SCMH1: variants seen among roughly 807,000 people sequenced by gnomAD.
SCMH1 encodes polycomb protein SCMH1.
In SCMH1, 37 loss-of-function variants were observed where a neutral mutation model predicts 70.8. The ratio of observed to expected loss-of-function variants is 0.52; its 90% CI spans 0.40 to 0.69. The LOEUF (loss-of-function observed/expected upper bound fraction) is 0.69. SCMH1 is among the 30% of genes least tolerant of loss of function. SCMH1 has a pLI of 0.00. For synonymous variants in SCMH1, 292 were observed against 307.4 expected (o/e 0.95, Z 0.52); for missense variants, 607 against 827.3 (o/e 0.73, Z 3.27).
At chr1:41,182,626 G>A (rs967811330) in intron 2 of SCMH1, among the ~76,000 whole-genome samples, 1 of 152,080 alleles carries the variant, frequency 6.6e-6, no homozygotes. Flanking sequence ...TGGGAGGATT[G>A]CTTGAGCCCA....
chr1:41,069,309 G>A (rs1252376774), intron 10 of SCMH1, among the ~76,000 whole-genome samples: 1 of 152,096 alleles, frequency 6.6e-6, no homozygotes, highest in East Asian at 1.9e-4. Flanking sequence ...CTTCTAGAGT[G>A]GGTAGTCATT....
chr1:41,053,831 GTTTTT>G (rs1242821497), intron 10 of SCMH1, among the ~76,000 whole-genome samples: 3 of 148,350 alleles, frequency 2.0e-5, no homozygotes. Flanking sequence ...AAGCCTAAAG[GTTTTT>G]TTTTTGTTTT....
chr1:41,230,223 G>C (rs1661043862), intron 1 of SCMH1, among the ~76,000 whole-genome samples: 1 of 152,148 alleles, frequency 6.6e-6, no homozygotes, highest in South Asian at 2.1e-4. Flanking sequence ...AGCCATATAG[G>C]GGGTTGATAT....
chr1:41,141,156 A>C (rs961822405), intron 6 of SCMH1, among the ~76,000 whole-genome samples: 25 of 152,238 alleles, frequency 1.6e-4, no homozygotes, highest in African/African-American at 5.5e-4. Flanking sequence ...CCATTAATTT[A>C]TGTAGACAGA....
intron 2 of SCMH1, among the ~76,000 whole-genome samples, chr1:41,164,908 T>C (rs933963140): frequency 6.6e-6 from 1 of 152,150 alleles, no homozygotes; most frequent in Non-Finnish European, 1.5e-5. Flanking sequence ...TTTAAAGTTC[T>C]CTCTTTAGCT....
At chr1:41,046,386 A>G in intron 12 of SCMH1, 21 bp downstream of exon 12, 3 of 1,610,680 alleles carry the variant, frequency 1.9e-6, no homozygotes, top group Non-Finnish European at 2.5e-6. Context: ...CTCTCAGCCC[A>G]GGCCCCATCC....
intron 1 of SCMH1, among the ~76,000 whole-genome samples, chr1:41,226,511 C>T (rs1415457344): frequency 6.6e-6 from 1 of 151,738 alleles, no homozygotes; most frequent in Non-Finnish European, 1.5e-5. Context: ...CAGAAAAAGG[C>T]GAAAGTAGTC....
intron 10 of SCMH1, among the ~76,000 whole-genome samples, chr1:41,050,854 A>T (rs1163277834): frequency 6.6e-6 from 1 of 152,146 alleles, no homozygotes; most frequent in Non-Finnish European, 1.5e-5. Flanking sequence ...GGTGAGTGTG[A>T]GGGGGATCTA....
At chr1:41,161,002 G>C in intron 3 of SCMH1, 104 bp from the exon 4 acceptor site, 2 of 1,165,280 alleles carry the variant, frequency 1.7e-6, no homozygotes, top group Non-Finnish European at 1.2e-6. Flanking sequence ...TATTTGTCTA[G>C]TTCAGTTATC....
At chr1:41,221,483 T>C (rs1183238347) in intron 1 of SCMH1, among the ~76,000 whole-genome samples, 1 of 148,112 alleles carries the variant, frequency 6.8e-6, no homozygotes, top group Non-Finnish European at 1.5e-5. Context: ...CAAGATACCA[T>C]TTCTACAAAA....
At chr1:41,192,098 C>A (rs1478227688) in intron 1 of SCMH1, among the ~76,000 whole-genome samples, 24 of 152,138 alleles carry the variant, frequency 1.6e-4, no homozygotes, top group Admixed American at 1.6e-3. Context: ...TACTGTATGA[C>A]TATATAACAT....
intron 13 of SCMH1, among the ~76,000 whole-genome samples, chr1:41,030,890 C>T (rs1644425923): frequency 6.6e-6 from 1 of 152,162 alleles, no homozygotes; most frequent in East Asian, 1.9e-4. Flanking sequence ...TCTTTCTCTC[C>T]AACCAGACTA....
chr1:41,154,803 A>G (rs960884181), intron 4 of SCMH1, among the ~76,000 whole-genome samples: 2 of 152,240 alleles, frequency 1.3e-5, no homozygotes, highest in Admixed American at 6.5e-5. Context: ...TTCCAACATT[A>G]TAATTCAAAA....
At chr1:41,027,208 T>C (rs953503819) in exon 15 of SCMH1, 2 of 152,222 alleles carry the variant, frequency 1.3e-5, no homozygotes, top group African/African-American at 2.4e-5. Context: ...CTGGTATCTA[T>C]ATTGGTTTTT....
intron 4 of SCMH1, among the ~76,000 whole-genome samples, chr1:41,153,685 G>A (rs1645267206): frequency 6.6e-6 from 1 of 152,196 alleles, no homozygotes; most frequent in African/African-American, 2.4e-5. Context: ...TGTGATGGCT[G>A]ACTGGCTTGA....
chr1:41,050,674 AGAG>A (rs1022159484), intron 10 of SCMH1, among the ~76,000 whole-genome samples: 1 of 152,198 alleles, frequency 6.6e-6, no homozygotes, highest in Admixed American at 6.5e-5. Context: ...AGATAATAAG[AGAG>A]GAGATGACAA....
intron 6 of SCMH1, among the ~76,000 whole-genome samples, chr1:41,134,344 A>C (rs146888035): frequency 0.14 from 21,134 of 152,220 alleles, 1,804 homozygotes; most frequent in Middle Eastern, 0.28. Flanking sequence ...ATGGGCAAAA[A>C]CTGGAAGCAT....
intron 8 of SCMH1, among the ~76,000 whole-genome samples, chr1:41,089,015 C>T (rs1221871454): frequency 6.6e-6 from 1 of 152,098 alleles, no homozygotes; most frequent in Non-Finnish European, 1.5e-5. Context: ...TGTTAAAATT[C>T]AGATTGCTGA....
intron 1 of SCMH1, among the ~76,000 whole-genome samples, chr1:41,241,678 GC>G (rs1663584978): frequency 6.6e-6 from 1 of 151,942 alleles, no homozygotes; most frequent in African/African-American, 2.4e-5. Flanking sequence ...GGCCCACCCG[GC>G]CCCGCCGGCC....
Sources: gnomAD v4.1 joint callset for allele counts (sites outside exome capture counted in the v4.1 genomes callset) on GRCh38, gnomAD v4.1.1 for gene constraint, MANE v1.5 for transcripts, NCBI Gene and HGNC (gene_info 2026-07-23, HGNC 2026-07-21) for gene names.